Variants in ITPRID1 observed in about 807,000 individuals in gnomAD.
The protein encoded by ITPRID1 is protein ITPRID1.
In ITPRID1, 96 loss-of-function variants were observed where a neutral mutation model predicts 95.4. The observed-to-expected ratio is 1.01, with a 90% confidence interval of 0.85 to 1.19. The LOEUF (loss-of-function observed/expected upper bound fraction) is 1.19, where lower values mean the gene tolerates loss of function less well. Among genes scored for constraint, ITPRID1 ranks in the 50% most tolerant of loss-of-function variants. The pLI, the probability that ITPRID1 is intolerant of heterozygous loss-of-function variation, is 0.00. For synonymous variants in ITPRID1, 510 were observed against 453.6 expected (o/e 1.12, Z -1.58); for missense variants, 1,339 against 1,252.9 (o/e 1.07, Z -1.04).
At chr7:31,537,533 T>C (rs1783799849) in intron 1 of ITPRID1, among the ~76,000 whole-genome samples, 1 of 152,138 alleles carries the variant, frequency 6.6e-6, no homozygotes, top group African/African-American at 2.4e-5. Context: ...AGGTTGGAAG[T>C]AACATTCTTT....
intron 8 of ITPRID1, among the ~76,000 whole-genome samples, chr7:31,575,691 G>A (rs1785156542): frequency 6.6e-6 from 1 of 152,084 alleles, no homozygotes; most frequent in African/African-American, 2.4e-5. Flanking sequence ...ATTCTGGAGG[G>A]GGGAAATGAC....
chr7:31,658,162 T>C (rs1791380901), downstream of ITPRID1: 10 of 922,382 alleles, frequency 1.1e-5, no homozygotes, highest in African/African-American at 1.7e-5. Context: ...AGTGTATGCA[T>C]AGGCCATGTA....
intron 6 of ITPRID1, among the ~76,000 whole-genome samples, chr7:31,571,531 A>G (rs1215045907): frequency 6.6e-6 from 1 of 152,060 alleles, no homozygotes; most frequent in Non-Finnish European, 1.5e-5. Context: ...ACAGGGTTCC[A>G]CTCTCTTTGG....
At chr7:31,623,635 C>T (rs1488936704) in intron 10 of ITPRID1, among the ~76,000 whole-genome samples, 1 of 134,640 alleles carries the variant, frequency 7.4e-6, no homozygotes, top group East Asian at 2.5e-4. Context: ...ATGACAAACC[C>T]ACAGCCAATA....
chr7:31,564,553 C>A (rs924216060), intron 5 of ITPRID1, among the ~76,000 whole-genome samples: 1 of 151,928 alleles, frequency 6.6e-6, no homozygotes, highest in African/African-American at 2.4e-5. Flanking sequence ...TGAGGAAGAC[C>A]CTAGCGAGCG....
At chr7:31,517,003 C>G (rs1783063963) in intron 1 of ITPRID1, among the ~76,000 whole-genome samples, 1 of 152,186 alleles carries the variant, frequency 6.6e-6, no homozygotes, top group Non-Finnish European at 1.5e-5. Context: ...AGGAGTGAAA[C>G]TACAGACCTC....
intron 10 of ITPRID1, among the ~76,000 whole-genome samples, chr7:31,623,138 G>A (rs570453612): frequency 1.3e-5 from 2 of 152,098 alleles, no homozygotes; most frequent in African/African-American, 4.8e-5. Context: ...AAAGAGTCCA[G>A]GACCAGATGG....
At chr7:31,610,792 G>A (rs1786831885) in intron 10 of ITPRID1, among the ~76,000 whole-genome samples, 1 of 151,320 alleles carries the variant, frequency 6.6e-6, no homozygotes, top group South Asian at 2.1e-4. Flanking sequence ...CTACGTTTTG[G>A]TTACTATTTG....
intron 10 of ITPRID1, among the ~76,000 whole-genome samples, chr7:31,620,170 C>G (rs1445184721): frequency 1.3e-5 from 2 of 152,182 alleles, no homozygotes; most frequent in African/African-American, 4.8e-5. Flanking sequence ...GGCTCCACCT[C>G]TGGGGGCAGG....
intron 5 of ITPRID1, among the ~76,000 whole-genome samples, chr7:31,568,230 G>T (rs985196283): frequency 6.6e-6 from 1 of 151,770 alleles, no homozygotes. Context: ...TAAGCCTTTT[G>T]AAAATCTTCT....
intron 12 of ITPRID1, among the ~76,000 whole-genome samples, chr7:31,647,016 A>T (rs1790524546): frequency 6.6e-6 from 1 of 152,272 alleles, no homozygotes; most frequent in African/African-American, 2.4e-5. Flanking sequence ...ACTCAAAGAA[A>T]ACAATTCAAA....
intron 10 of ITPRID1, among the ~76,000 whole-genome samples, chr7:31,599,603 TTCTTTCTTTCTTTC>T (rs1418348421): frequency 5.2e-5 from 4 of 76,252 alleles, no homozygotes; most frequent in African/African-American, 1.4e-4. Flanking sequence ...CTTTCTTTCT[TTCTTTCTTTCTTTC>T]TTTCTTTCTT....
intron 9 of ITPRID1, among the ~76,000 whole-genome samples, chr7:31,578,661 C>A (rs537632182): frequency 6.6e-6 from 1 of 152,130 alleles, no homozygotes; most frequent in South Asian, 2.1e-4. Flanking sequence ...TCTTCTTGCT[C>A]GCAGTTGAAT....
At chr7:31,651,295 G>T in intron 13 of ITPRID1, 26 bp downstream of exon 13, 1 of 1,608,870 alleles carries the variant, frequency 6.2e-7, no homozygotes, top group Non-Finnish European at 8.5e-7. Context: ...AGCCATAAAA[G>T]TAAGTACCAG....
intron 1 of ITPRID1, among the ~76,000 whole-genome samples, chr7:31,514,600 T>C (rs1248994955): frequency 6.6e-6 from 1 of 152,222 alleles, no homozygotes; most frequent in Admixed American, 6.5e-5. Flanking sequence ...GTACAGCTTA[T>C]AAGCACGGTG....
intron 10 of ITPRID1, among the ~76,000 whole-genome samples, chr7:31,616,704 C>A (rs994563992): frequency 2.0e-5 from 3 of 152,112 alleles, no homozygotes; most frequent in African/African-American, 7.2e-5. Context: ...TTCCTGATTT[C>A]CTCTGTGGCC....
At position 31,643,439 on chromosome 7, in the gene ITPRID1, G is replaced by A. The variant is rs752124942; in HGVS notation, c.2069G>A (p.Gly690Glu). ...GGTACTTTGGGTCAGATACTACCTG[G>A]GACAGAAGCTGAGATGGAAAACCTT... ...RSGTLGQILP[G>E]TEAEMENLPL... The change falls in exon 12 of 15, where the codon GGG (glycine) becomes GAG (glutamate). Residue 690 changes from glycine (G) to glutamate (E), a missense_variant. Physicochemically the swap from Gly to Glu is moderately conservative, Grantham distance 98. Transcript: ENST00000615280. 2 of 1,613,972 alleles carry A rather than the reference G, an allele frequency of 1.2e-6. No individual in the cohort carries two copies. Among genetic ancestry groups the A allele is most frequent in the Admixed American group, 3.3e-5 (2 of 60,004 alleles).
chr7:31,642,685 C>T lies in ITPRID1; in HGVS notation c.1315C>T (p.Pro439Ser). 6.2e-7 allele frequency: 1 copy of T among 1,612,860 alleles called. No homozygotes were observed. Among genetic ancestry groups the T allele is most frequent in the Non-Finnish European group, 8.5e-7 (1 of 1,179,222 alleles). ...TTTGTCCTGGTTTCCCCTACAGATGCCTTCCTTGCCAAACAGCCAGAGTCC... is the reference window on the plus strand; with the variant it reads ...TTTGTCCTGGTTTCCCCTACAGATGTCTTCCTTGCCAAACAGCCAGAGTCC... ...EPLEPLPLQM[P>S]SLPNSQSPAE... The change falls in exon 12 of 15, where the codon CCT (proline) becomes TCT (serine). Residue 439 changes from proline to serine, a missense_variant. By Grantham distance (74) the Pro-to-Ser change is moderately conservative. Transcript: ENST00000615280.
intron 1 of ITPRID1, among the ~76,000 whole-genome samples, chr7:31,541,707 A>T (rs573866416): frequency 6.6e-6 from 1 of 152,224 alleles, no homozygotes; most frequent in South Asian, 2.1e-4. Context: ...AACAAGCCAA[A>T]TTTTACCTTT....
Sources: gnomAD v4.1 joint callset for allele counts (sites outside exome capture counted in the v4.1 genomes callset) on GRCh38, gnomAD v4.1.1 for gene constraint, MANE v1.5 for transcripts, NCBI Gene and HGNC (gene_info 2026-07-23, HGNC 2026-07-21) for gene names.